The following SPAG17 variants were observed in gnomAD, a reference collection of about 807,000 sequenced individuals.
SPAG17 encodes the protein sperm associated antigen 17, also known as sperm-associated antigen 17.
SPAG17 carries 169 observed loss-of-function variants against 273.6 expected under a neutral mutation model. The ratio of observed to expected loss-of-function variants is 0.62; its 90% CI spans 0.55 to 0.70. The LOEUF is 0.70. Ranked by LOEUF, SPAG17 falls within the 30% of genes least tolerant of loss-of-function variation. The pLI, the probability that SPAG17 is intolerant of heterozygous loss-of-function variation, is 0.00. For missense variants in SPAG17, 2,557 were observed against 2,627.8 expected, an observed-to-expected ratio of 0.97 and a Z score of 0.59; for synonymous variants, 825 against 873.2, an observed-to-expected ratio of 0.94 and a Z score of 0.97.
At chr1:118,079,965 T>C (rs1376301215) in intron 15 of SPAG17, among the ~76,000 whole-genome samples, 1 of 152,254 alleles carries the variant, frequency 6.6e-6, no homozygotes, top group African/African-American at 2.4e-5. Context: ...AATAAACCTA[T>C]AATCACTAAG....
Position 117,966,801 on chromosome 1 carries a change from C to T in SPAG17, c.6388-48G>A. 2.7e-6 allele frequency: 4 copies of T among 1,498,782 alleles called. No homozygotes were observed. In the Admixed American group the frequency reaches 9.1e-5, roughly 34 times the overall value. The allele number at this position is 1,498,782 out of a possible 1,614,324, so 92.8% of individuals were successfully genotyped here. A position where few individuals can be genotyped will look rare whatever the true frequency, so the allele number is the denominator to read the frequency against. On this transcript the variant is annotated intron_variant, in intron 46 of 48. Coordinates refer to ENST00000336338, the MANE Select transcript of SPAG17 (RefSeq NM_206996.4). ...AGGACCAGACAACTCTGAGTTCAAA[C>T]CTTGCTTTTAATAATATGAATTTGA...
At chr1:118,114,425 T>C (rs938483447) in intron 4 of SPAG17, among the ~76,000 whole-genome samples, 1 of 152,142 alleles carries the variant, frequency 6.6e-6, no homozygotes. Context: ...AACCTAGATT[T>C]TGGGGGTCTT....
chr1:118,184,838 C>T (rs1661109543), intron 1 of SPAG17, among the ~76,000 whole-genome samples: 1 of 152,220 alleles, frequency 6.6e-6, no homozygotes, highest in African/African-American at 2.4e-5. Flanking sequence ...CTCTCTTCCC[C>T]ACTAGGCAGT....
At chr1:118,153,800 G>C (rs1207678396) in intron 1 of SPAG17, among the ~76,000 whole-genome samples, 2 of 151,924 alleles carry the variant, frequency 1.3e-5, no homozygotes, top group South Asian at 2.1e-4. Flanking sequence ...AGCTGAGATC[G>C]CACCACTGCA....
At chr1:118,143,469 G>A (rs568077033) in intron 3 of SPAG17, among the ~76,000 whole-genome samples, 3 of 151,972 alleles carry the variant, frequency 2.0e-5, no homozygotes, top group Admixed American at 6.6e-5. Flanking sequence ...TGGCAGGGGC[G>A]GGAGGATAGC....
At chr1:118,180,898 C>A (rs1425460150) in intron 1 of SPAG17, among the ~76,000 whole-genome samples, 3 of 151,868 alleles carry the variant, frequency 2.0e-5, no homozygotes, top group Non-Finnish European at 4.4e-5. Context: ...TGCAAATCCA[C>A]TTTATTTTCT....
chr1:118,045,380 C>T (rs76370474), intron 20 of SPAG17, among the ~76,000 whole-genome samples: 47 of 152,228 alleles, frequency 3.1e-4, no homozygotes, highest in Non-Finnish European at 5.6e-4. Flanking sequence ...ACGAAACCTC[C>T]GTAAAAACCT....
At chr1:117,982,568 T>TTTAG (rs1655960784) in intron 42 of SPAG17, among the ~76,000 whole-genome samples, 1 of 152,126 alleles carries the variant, frequency 6.6e-6, no homozygotes, top group South Asian at 2.1e-4. Flanking sequence ...AACTACTCAG[T>TTTAG]TTACTAGAGA....
intron 1 of SPAG17, among the ~76,000 whole-genome samples, chr1:118,164,563 C>T (rs1280826947): frequency 2.0e-5 from 3 of 152,162 alleles, no homozygotes; most frequent in East Asian, 1.9e-4. Context: ...CCTAGTTCTA[C>T]CTATAACCAC....
intron 48 of SPAG17, chr1:117,955,355 C>T (rs760770670): frequency 1.4e-5 from 23 of 1,611,622 alleles, no homozygotes; most frequent in Middle Eastern, 1.6e-4. Flanking sequence ...GGGATCAAGT[C>T]GAGGTGAGTG....
chr1:117,988,130 T>C lies in SPAG17; in HGVS notation c.5596A>G (p.Lys1866Glu). The C allele has an allele frequency of 1.2e-6, 2 of 1,607,736 alleles. No homozygotes were observed. The highest frequency in any genetic ancestry group is 1.3e-5 in the African/African-American group (1 of 74,712). Residue 1866 changes from lysine to glutamate, a missense_variant, in exon 39 of 49, where the codon AAA becomes GAA. By Grantham distance (56) the Lys-to-Glu change is moderately conservative. Transcript: ENST00000336338. ...PPKCPPDTFG[K>E]DFFEKTWRHT... ...CTCCATGTCTTTTCAAAGAAATCTTTACCAAATGTGTCTGGTGGGCATTTT... is the reference window on the plus strand; with the variant it reads ...CTCCATGTCTTTTCAAAGAAATCTTCACCAAATGTGTCTGGTGGGCATTTT...
At chr1:118,039,151 A>C in intron 23 of SPAG17, 141 bp downstream of exon 23, 1 of 865,228 alleles carries the variant, frequency 1.2e-6, no homozygotes, top group South Asian at 1.9e-5. Flanking sequence ...AAAATAGGCA[A>C]CTTCATGCAC....
At chr1:118,157,316 C>T (rs1659702543) in intron 1 of SPAG17, among the ~76,000 whole-genome samples, 1 of 152,106 alleles carries the variant, frequency 6.6e-6, no homozygotes, top group Admixed American at 6.5e-5. Context: ...CAAACCCCAC[C>T]CCCATCCCAA....
intron 44 of SPAG17, 56 bp downstream of exon 44, chr1:117,973,369 A>C (rs1571108472): frequency 6.4e-7 from 1 of 1,571,012 alleles, no homozygotes; most frequent in East Asian, 2.3e-5. Flanking sequence ...TAAAAAATAA[A>C]GAATTCCATC....
chr1:117,972,869 A>G (rs1001741011), intron 44 of SPAG17, among the ~76,000 whole-genome samples: 4 of 152,206 alleles, frequency 2.6e-5, no homozygotes, highest in African/African-American at 9.7e-5. Context: ...TGAGCAAGAA[A>G]GGACCTTGGT....
intron 18 of SPAG17, among the ~76,000 whole-genome samples, chr1:118,060,847 T>A (rs1271011542): frequency 4.6e-5 from 7 of 152,172 alleles, no homozygotes; most frequent in Non-Finnish European, 8.8e-5. Flanking sequence ...ATTTCCTGAA[T>A]TCGTCATGTT....
At chr1:118,158,602 T>C (rs867855384) in intron 1 of SPAG17, among the ~76,000 whole-genome samples, 30 of 152,190 alleles carry the variant, frequency 2.0e-4, no homozygotes, top group Non-Finnish European at 8.8e-5. Context: ...TTATTTTTGA[T>C]AGGGAGCCTT....
intron 3 of SPAG17, among the ~76,000 whole-genome samples, chr1:118,136,658 A>AT (rs1658375201): frequency 6.6e-6 from 1 of 152,200 alleles, no homozygotes; most frequent in Admixed American, 6.5e-5. Flanking sequence ...ATGCTGGCCC[A>AT]GGGTGAAACG....
chr1:117,972,092 C>G (rs1654626513), intron 44 of SPAG17, 45 bp from the exon 45 acceptor site: 10 of 1,496,600 alleles, frequency 6.7e-6, no homozygotes, highest in Non-Finnish European at 9.0e-6. Context: ...ATTTTGAGTT[C>G]CCAAGATTAA....
Sources: allele counts gnomAD v4.1 joint callset (sites outside exome capture counted in the v4.1 genomes callset), GRCh38; gene constraint gnomAD v4.1.1; transcripts MANE v1.5; gene names NCBI Gene and HGNC (gene_info 2026-07-23, HGNC 2026-07-21).